FARS2: variants seen among roughly 807,000 people sequenced by gnomAD.
The protein encoded by FARS2 is phenylalanyl-tRNA synthetase 2, mitochondrial.
FARS2 carries 40 observed loss-of-function variants against 46.4 expected under a neutral mutation model. The observed-to-expected ratio is 0.86, with a 90% CI of 0.67 to 1.12. The LOEUF is 1.12. Among genes scored for constraint, FARS2 ranks in the 50% most tolerant of loss-of-function variants. FARS2 has a pLI of 0.00. For missense variants in FARS2, 513 were observed against 567.9 expected, an observed-to-expected ratio of 0.90 and a Z score of 0.98; for synonymous variants, 234 against 214.9, an observed-to-expected ratio of 1.09 and a Z score of -0.78.
rs1769760702 is a variant in FARS2 at position 5,318,902 on chromosome 6, C to G, written c.-21-49648C>G. On this transcript the variant is annotated intron_variant, in intron 1 of 6. Transcript: ENST00000274680. ...GGCGTGGTTGAAAAGGAAGTAGCCC[C>G]TGATATCCAGTCAGCCTGCATCGGC... 3.3e-5 allele frequency among the ~76,000 whole-genome samples: 5 copies of G among 152,282 alleles called. No homozygotes were observed. The South Asian group carries it at 1.0e-3, about 32-fold the overall frequency.
intron 3 of FARS2, among the ~76,000 whole-genome samples, chr6:5,408,733 CAA>C (rs1198653803): frequency 5.3e-5 from 8 of 152,050 alleles, no homozygotes; most frequent in African/African-American, 1.2e-4. Context: ...AAAGTTAAGA[CAA>C]GACAATAAAA....
chr6:5,626,231 C>G (rs1776023545), intron 6 of FARS2, among the ~76,000 whole-genome samples: 1 of 152,122 alleles, frequency 6.6e-6, no homozygotes, highest in African/African-American at 2.4e-5. Flanking sequence ...GAAATGAGTT[C>G]TCAGACTCAG....
chr6:5,688,822 A>G (rs1270212217), intron 6 of FARS2, among the ~76,000 whole-genome samples: 2 of 152,114 alleles, frequency 1.3e-5, no homozygotes, highest in East Asian at 1.9e-4. Context: ...CTGTGAATCC[A>G]TCTGGTCCTG....
chr6:5,513,838 C>T (rs1561676571), intron 4 of FARS2, among the ~76,000 whole-genome samples: 1 of 152,002 alleles, frequency 6.6e-6, no homozygotes, highest in South Asian at 2.1e-4. Context: ...CTGCCAGGTT[C>T]CCAGGGTGGG....
At chr6:5,595,568 A>G (rs918709944) in intron 5 of FARS2, among the ~76,000 whole-genome samples, 10 of 152,126 alleles carry the variant, frequency 6.6e-5, no homozygotes, top group African/African-American at 2.4e-4. Flanking sequence ...GAGGGAGAAA[A>G]TGTGATCCCT....
At chr6:5,476,903 G>A (rs1206365015) in intron 4 of FARS2, among the ~76,000 whole-genome samples, 1 of 152,192 alleles carries the variant, frequency 6.6e-6, no homozygotes, top group Non-Finnish European at 1.5e-5. Flanking sequence ...AAACAAGGAA[G>A]TGTATTTTGG....
intron 6 of FARS2, among the ~76,000 whole-genome samples, chr6:5,655,784 G>A (rs1777579078): frequency 6.6e-6 from 1 of 152,194 alleles, no homozygotes; most frequent in Non-Finnish European, 1.5e-5. Flanking sequence ...GGAGGTAGGT[G>A]TCTTTGGAGG....
At chr6:5,342,182 A>G (rs962761758) in intron 1 of FARS2, among the ~76,000 whole-genome samples, 1 of 152,216 alleles carries the variant, frequency 6.6e-6, no homozygotes, top group Non-Finnish European at 1.5e-5. Flanking sequence ...TCAAATATTA[A>G]AAGATAGATA....
intron 6 of FARS2, among the ~76,000 whole-genome samples, chr6:5,650,445 T>A (rs755461501): frequency 6.6e-6 from 1 of 152,170 alleles, no homozygotes; most frequent in Non-Finnish European, 1.5e-5. Context: ...AGCACCATTA[T>A]AATTTAAAAA....
At position 5,295,049 on chromosome 6, in the gene FARS2, G is replaced by A. The variant is rs373137844; in HGVS notation, c.-22+33389G>A. 3.2e-4 allele frequency among the ~76,000 whole-genome samples: 48 copies of A among 152,264 alleles called. No individual in the cohort carries two copies. In the South Asian group the frequency reaches 9.5e-3, roughly 30 times the overall value. Reference sequence around the variant, plus strand: ...ACAATAAGGGCTGTGGGAGTTATGAGCCAGGAACTGTGGGCAAAAACCAAT... The same window carrying A: ...ACAATAAGGGCTGTGGGAGTTATGAACCAGGAACTGTGGGCAAAAACCAAT... On this transcript the variant is annotated intron_variant, in intron 1 of 6. Coordinates refer to ENST00000274680, the MANE Select transcript of FARS2 (RefSeq NM_006567.5).
intron 5 of FARS2, among the ~76,000 whole-genome samples, chr6:5,583,929 A>G (rs1417397264): frequency 6.6e-6 from 1 of 152,118 alleles, no homozygotes; most frequent in African/African-American, 2.4e-5. Flanking sequence ...ACTTCCTGAG[A>G]AAACTATTGC....
Position 5,609,714 on chromosome 6 carries a change from C to T in FARS2, c.1066-3455C>T, listed in dbSNP as rs111421652. On this transcript the variant is annotated intron_variant, in intron 5 of 6. Transcript: ENST00000274680. ...CATTTCTGAATGACAGTCTTATCCACGGAGTCATGGTCGTCAAAAGTTACA... is the reference window on the plus strand; with the variant it reads ...CATTTCTGAATGACAGTCTTATCCATGGAGTCATGGTCGTCAAAAGTTACA... The T allele has an allele frequency of 5.0e-3, 7,274 of 1,469,218 alleles. 280 individuals carry two copies. In the African/African-American group the frequency reaches 0.087, roughly 18 times the overall value. 91.0% of individuals were successfully genotyped at this position (1,469,218 alleles called of 1,614,324 possible).
intron 2 of FARS2, among the ~76,000 whole-genome samples, chr6:5,402,610 A>G (rs1421061891): frequency 6.6e-6 from 1 of 152,160 alleles, no homozygotes; most frequent in African/African-American, 2.4e-5. Context: ...GGGTTAGAGA[A>G]TGGTTTTGTA....
intron 6 of FARS2, among the ~76,000 whole-genome samples, chr6:5,613,994 A>G (rs915494019): frequency 6.6e-6 from 1 of 151,952 alleles, no homozygotes; most frequent in Non-Finnish European, 1.5e-5. Flanking sequence ...TCCTGGGGGG[A>G]AAAGGGCACA....
At chr6:5,702,969 G>A (rs1022583350) in intron 6 of FARS2, among the ~76,000 whole-genome samples, 7 of 152,190 alleles carry the variant, frequency 4.6e-5, no homozygotes, top group African/African-American at 1.7e-4. Flanking sequence ...AACTCCCACA[G>A]GCCCTGCTTT....
chr6:5,334,806 A>G (rs957015952), intron 1 of FARS2, among the ~76,000 whole-genome samples: 1 of 152,224 alleles, frequency 6.6e-6, no homozygotes, highest in Non-Finnish European at 1.5e-5. Context: ...ATTATAAATC[A>G]CTTAATATCA....
chr6:5,290,324 A>G (rs1039002463), intron 1 of FARS2, among the ~76,000 whole-genome samples: 2 of 152,178 alleles, frequency 1.3e-5, no homozygotes, highest in Non-Finnish European at 2.9e-5. Flanking sequence ...CTTTTTGTAC[A>G]AAGCTGGCAG....
intron 3 of FARS2, among the ~76,000 whole-genome samples, chr6:5,423,427 G>T (rs1172255483): frequency 1.3e-5 from 2 of 152,064 alleles, no homozygotes; most frequent in African/African-American, 4.8e-5. Flanking sequence ...TAGTCAAAAG[G>T]ATCCCTGTGT....
At chr6:5,546,501 T>A (rs140594691) in intron 5 of FARS2, among the ~76,000 whole-genome samples, 1 of 151,458 alleles carries the variant, frequency 6.6e-6, no homozygotes, top group Non-Finnish European at 1.5e-5. Flanking sequence ...TCGCCCGCCT[T>A]GGCCTCCCGA....
Sources: allele counts gnomAD v4.1 joint callset (sites outside exome capture counted in the v4.1 genomes callset), GRCh38; gene constraint gnomAD v4.1.1; transcripts MANE v1.5; gene names NCBI Gene and HGNC (gene_info 2026-07-23, HGNC 2026-07-21).